The following DMD variants were observed in gnomAD, a reference collection of about 807,000 sequenced individuals.
The protein encoded by DMD is dystrophin, also known as mutant dystrophin.
Under a neutral mutation model 330.1 loss-of-function variants are expected in DMD, and 63 were observed. That is an observed-to-expected ratio of 0.19 (90% confidence interval 0.16 to 0.24). DMD has a LOEUF of 0.24. DMD is among the 10% of genes least tolerant of loss of function. DMD has a pLI of 1.00. For missense variants in DMD, 3,344 were observed against 2,684.1 expected (o/e 1.25, Z -5.43); for synonymous variants, 1,223 against 959.8 (o/e 1.27, Z -5.07).
chrX:32,632,970 T>G (rs990732746), intron 11 of DMD, among the ~76,000 whole-genome samples: 2 of 112,425 alleles, frequency 1.8e-5, no homozygotes, highest in Non-Finnish European at 3.8e-5. Flanking sequence ...TCAGAAGCCT[T>G]CTTGAGTTCT....
chrX:33,179,703 AAAAG>A (rs990785050), intron 1 of DMD, among the ~76,000 whole-genome samples: 3 of 110,727 alleles, frequency 2.7e-5, no homozygotes, highest in African/African-American at 6.6e-5. Context: ...CAAAAAAAAA[AAAAG>A]AAAGAAAAGA....
chrX:31,656,556 CAA>C (rs1387403687), intron 54 of DMD, among the ~76,000 whole-genome samples: 1 of 111,786 alleles, frequency 8.9e-6, no homozygotes, highest in Admixed American at 9.5e-5. Flanking sequence ...TTGCTTTCCC[CAA>C]AAGACTTCTC....
chrX:31,435,015 G>T (rs1487634672), intron 60 of DMD, among the ~76,000 whole-genome samples: 1 of 111,582 alleles, frequency 9.0e-6, no homozygotes, highest in Non-Finnish European at 1.9e-5. Context: ...GCATAGTTAG[G>T]AGTTCTGACA....
chrX:32,082,389 C>T (rs868765769), intron 44 of DMD, among the ~76,000 whole-genome samples: 2 of 80,297 alleles, frequency 2.5e-5, no homozygotes, highest in African/African-American at 9.6e-5. Context: ...CTACCTCGCC[C>T]GGCTATCTAT....
chrX:32,839,387 C>CT (rs967640957), intron 4 of DMD, among the ~76,000 whole-genome samples: 6 of 111,927 alleles, frequency 5.4e-5, no homozygotes, highest in Non-Finnish European at 1.1e-4. Context: ...CTATGTATCT[C>CT]TTTTTTATTC....
At chrX:32,671,840 G>T (rs1397877202) in intron 9 of DMD, among the ~76,000 whole-genome samples, 1 of 111,652 alleles carries the variant, frequency 9.0e-6, no homozygotes, top group Non-Finnish European at 1.9e-5. Context: ...AACTATGAAA[G>T]TAGATGCATA....
intron 41 of DMD, among the ~76,000 whole-genome samples, chrX:32,321,467 G>A (rs1240682426): frequency 3.6e-5 from 4 of 111,040 alleles, no homozygotes; most frequent in Non-Finnish European, 5.7e-5. Context: ...ATTGATTTAA[G>A]GAGATCTGTT....
At position 33,310,033 on chromosome X, in the gene DMD, T is replaced by C. The variant is rs376870808; in HGVS notation, c.7+29226A>G. On this transcript the variant is annotated intron_variant, in intron 1 of 17. Transcript: ENST00000288447. ...CAATAAAAATTAATATCTGTGCTTG[T>C]GGGGTAACAAAGTTAAAACCAAGGC... 6.3e-5 allele frequency among the ~76,000 whole-genome samples: 7 copies of C among 110,897 alleles called. No homozygotes were observed. In the South Asian group the frequency reaches 2.7e-3, roughly 42 times the overall value.
intron 52 of DMD, among the ~76,000 whole-genome samples, chrX:31,714,359 C>A (rs1428694532): frequency 8.9e-5 from 10 of 111,787 alleles, no homozygotes; most frequent in Non-Finnish European, 9.4e-5. Flanking sequence ...GCACAGTGCA[C>A]TGATATACTG....
At chrX:33,013,120 C>T (rs1214759687) in intron 2 of DMD, among the ~76,000 whole-genome samples, 1 of 110,234 alleles carries the variant, frequency 9.1e-6, no homozygotes, top group Non-Finnish European at 1.9e-5. Context: ...GAATTTTTGT[C>T]CCAACAATAA....
At chrX:32,998,003 G>A (rs1328303747) in intron 2 of DMD, among the ~76,000 whole-genome samples, 1 of 111,163 alleles carries the variant, frequency 9.0e-6, no homozygotes, top group East Asian at 2.8e-4. Flanking sequence ...AGGTGTGTAT[G>A]TTAGTAAACT....
chrX:32,040,266 A>T (rs2095989280), intron 44 of DMD, among the ~76,000 whole-genome samples: 1 of 110,762 alleles, frequency 9.0e-6, no homozygotes, highest in Admixed American at 9.6e-5. Context: ...GTGTGTGTAT[A>T]TGTGTGTGTG....
chrX:32,419,668 T>C (rs994504621), intron 29 of DMD, among the ~76,000 whole-genome samples: 2 of 112,412 alleles, frequency 1.8e-5, no homozygotes, highest in Non-Finnish European at 3.8e-5. Flanking sequence ...GCCGTGAGCA[T>C]GGAGCTCCTA....
intron 2 of DMD, among the ~76,000 whole-genome samples, chrX:32,887,133 G>A (rs2084667367): frequency 9.0e-6 from 1 of 110,907 alleles, no homozygotes; most frequent in Non-Finnish European, 1.9e-5. Flanking sequence ...AGATCACGAG[G>A]TCAGGAGATC....
intron 1 of DMD, among the ~76,000 whole-genome samples, chrX:33,148,148 A>C (rs970346540): frequency 3.6e-5 from 4 of 112,245 alleles, no homozygotes; most frequent in African/African-American, 1.3e-4. Context: ...TCAACTCTAA[A>C]TGGCTGCATG....
chrX:31,177,550 C>T (rs1392004017), intron 71 of DMD, among the ~76,000 whole-genome samples: 1 of 111,463 alleles, frequency 9.0e-6, no homozygotes, highest in East Asian at 2.8e-4. Flanking sequence ...AGAAATATGG[C>T]TAAAGAATGT....
rs1569293135 is a variant in DMD, at chrX:31,721,708, C to CCA, written c.7660+7922_7660+7923insTG. 9.1e-3 allele frequency among the ~76,000 whole-genome samples: 447 copies of CCA among 49,151 alleles called. 6 individuals are homozygous for CCA. Among genetic ancestry groups the CCA allele is most frequent in the African/African-American group, 0.053 (427 of 7,982 alleles). The allele number at this position is 49,151 out of a possible 115,157, so 42.7% of individuals were successfully genotyped here. A position where few individuals can be genotyped will look rare whatever the true frequency, so the allele number is the denominator to read the frequency against. The stretch of plus-strand genomic sequence containing the variant: ...TCACTCTCTCTCTCTCTCTCTCTCT[C>CCA]TCTCTCTCTCTATATATATATATAT... On this transcript the variant is annotated intron_variant, in intron 52 of 78. Coordinates refer to ENST00000357033, the MANE Select transcript of DMD (RefSeq NM_004006.3).
At chrX:33,003,112 C>A (rs1314102751) in intron 2 of DMD, among the ~76,000 whole-genome samples, 1 of 109,693 alleles carries the variant, frequency 9.1e-6, no homozygotes, top group Admixed American at 9.8e-5. Context: ...TACACCGTAC[C>A]CAATATGTAG....
chrX:31,942,700 C>A (rs964042319), intron 45 of DMD, among the ~76,000 whole-genome samples: 3 of 111,732 alleles, frequency 2.7e-5, no homozygotes, highest in Admixed American at 1.9e-4. Flanking sequence ...GTTATGTAGT[C>A]CCACAGCCCC....
Sources: allele counts gnomAD v4.1 joint callset (sites outside exome capture counted in the v4.1 genomes callset), GRCh38; gene constraint gnomAD v4.1.1; transcripts MANE v1.5; gene names NCBI Gene and HGNC (gene_info 2026-07-23, HGNC 2026-07-21).